Variants in LRP2 observed in about 807,000 individuals in gnomAD.
The protein encoded by LRP2 is low-density lipoprotein receptor-related protein 2.
In LRP2, 172 loss-of-function variants were observed where a neutral mutation model predicts 531.0. The observed-to-expected ratio is 0.32, with a 90% CI of 0.29 to 0.37. The LOEUF (loss-of-function observed/expected upper bound fraction) is 0.37, where lower values mean the gene tolerates loss of function less well. LRP2 is among the 10% of genes least tolerant of loss of function. LRP2 has a pLI of 1.00. For missense variants in LRP2, 5,167 were observed against 5,868.3 expected (o/e 0.88, Z 3.90); for synonymous variants, 1,992 against 2,027.6 (o/e 0.98, Z 0.47).
At chr2:169,307,475 T>C (rs1684456502) in intron 3 of LRP2, 78 bp from the exon 4 acceptor site, 1 of 896,344 alleles carries the variant, frequency 1.1e-6, no homozygotes. Context: ...AACAAGGATA[T>C]TGGAAAGCAT....
chr2:169,343,553 T>C (rs962250635), intron 1 of LRP2, among the ~76,000 whole-genome samples: 1 of 152,182 alleles, frequency 6.6e-6, no homozygotes, highest in African/African-American at 2.4e-5. Context: ...CACAATATCC[T>C]TTAAATATTC....
At chr2:169,169,602 T>G in intron 60 of LRP2, 100 bp downstream of exon 60, 1 of 879,304 alleles carries the variant, frequency 1.1e-6, no homozygotes, top group East Asian at 2.4e-5. Flanking sequence ...CAGACAATAC[T>G]TATGGCCTTT....
chr2:169,176,653 G>T, intron 53 of LRP2, 65 bp from the exon 54 acceptor site: 2 of 1,393,096 alleles, frequency 1.4e-6, no homozygotes, highest in Non-Finnish European at 2.0e-6. Flanking sequence ...CAGATTAGCT[G>T]ATTACACATC....
At chr2:169,310,815 T>C (rs1684574581) in intron 3 of LRP2, among the ~76,000 whole-genome samples, 1 of 152,216 alleles carries the variant, frequency 6.6e-6, no homozygotes, top group Non-Finnish European at 1.5e-5. Flanking sequence ...AATTCGGCTG[T>C]GAATCAGTCT....
At chr2:169,149,030 G>A (rs1025926040) in intron 68 of LRP2, among the ~76,000 whole-genome samples, 3 of 152,136 alleles carry the variant, frequency 2.0e-5, no homozygotes, top group Admixed American at 2.0e-4. Flanking sequence ...CTATCACAGT[G>A]TTTTTCAGCA....
Position 169,191,942 on chromosome 2 carries a change from G to A in LRP2, c.8922C>T (p.Gly2974=), listed in dbSNP as rs549070265. The A allele has an allele frequency of 2.6e-5, 42 of 1,614,020 alleles. No homozygotes were observed. The highest frequency in any genetic ancestry group is 4.5e-5 in the East Asian group (2 of 44,888). Residue 2974 remains glycine (G), a synonymous_variant, in exon 48 of 79, where the codon GGC becomes GGT. Coordinates refer to ENST00000649046, the MANE Select transcript of LRP2 (RefSeq NM_004525.3). Reference sequence around the variant, plus strand: ...CGTAGCCGTCAGTACAATCCACATCGCCATCACAGACCCAAGACTGGGGAA... The same window carrying A: ...CGTAGCCGTCAGTACAATCCACATCACCATCACAGACCCAAGACTGGGGAA... ...RCIPQSWVCD[G]DVDCTDGYDE...
chr2:169,151,219 G>A (rs577229188), intron 67 of LRP2, among the ~76,000 whole-genome samples, 193 bp from the exon 68 acceptor site: 5 of 152,270 alleles, frequency 3.3e-5, no homozygotes, highest in African/African-American at 9.6e-5. Context: ...ACTTGGAAGA[G>A]TAAGGAATTG....
chr2:169,272,973 C>T lies in LRP2; in HGVS notation c.2070G>A (p.Lys690=). The T allele has an allele frequency of 6.2e-7, 1 of 1,613,786 alleles. No individual in the cohort carries two copies. Among genetic ancestry groups the T allele is most frequent in the Non-Finnish European group, 8.5e-7 (1 of 1,179,792 alleles). ...TATCCAGTTGGAAGCCGAATGTGCA[C>T]TTGCAACGGAAACCCAAACCATCAT... ...TDNDGLGFRC[K]CTFGFQLDTD... is the part of the protein sequence containing the mutation. The change falls in exon 15 of 79, where the codon AAG becomes AAA. Residue 690 remains lysine, a synonymous_variant. Transcript: ENST00000649046.
chr2:169,294,092 C>A, intron 6 of LRP2, 56 bp downstream of exon 6: 1 of 1,287,570 alleles, frequency 7.8e-7, no homozygotes, highest in South Asian at 1.2e-5. Context: ...AAAACAAAAC[C>A]GAAACAAAAC....
At chr2:169,129,631 T>C (rs1173686206) in intron 77 of LRP2, among the ~76,000 whole-genome samples, 1 of 152,194 alleles carries the variant, frequency 6.6e-6, no homozygotes, top group East Asian at 1.9e-4. Context: ...TTCTAAGAGT[T>C]TTACAAGTTT....
intron 3 of LRP2, among the ~76,000 whole-genome samples, chr2:169,310,461 T>C (rs1052735693): frequency 2.9e-4 from 44 of 152,252 alleles, no homozygotes; most frequent in Admixed American, 1.9e-3. Context: ...GAGATAATCA[T>C]GTGGTTTTTG....
chr2:169,271,055 C>A lies in LRP2; in HGVS notation c.2169G>T (p.Pro723=), dbSNP rs748610116. ...CATCTTCCTGGGTAGACAAGGTGAA[C>A]GGGATCCCACGAATAGCAACTTGGG... ...FSSQVAIRGI[P]FTLSTQEDVM... The change falls in exon 16 of 79, where the codon CCG becomes CCT. Residue 723 remains proline (P), a synonymous_variant. Coordinates refer to ENST00000649046, the MANE Select transcript of LRP2 (RefSeq NM_004525.3). 5.6e-6 allele frequency: 9 copies of A among 1,612,918 alleles called. No homozygotes were observed.
intron 66 of LRP2, 106 bp from the exon 67 acceptor site, chr2:169,153,070 T>C: frequency 1.0e-6 from 1 of 953,716 alleles, no homozygotes; most frequent in Non-Finnish European, 1.7e-6. Flanking sequence ...CATCTCTACC[T>C]CCCTCCTCAC....
intron 14 of LRP2, 45 bp downstream of exon 14, chr2:169,274,991 A>G (rs1683514212): frequency 6.3e-7 from 1 of 1,592,002 alleles, no homozygotes; most frequent in East Asian, 2.2e-5. Context: ...AAACCTTTCC[A>G]CCAAGTCCGG....
In LRP2 at chr2:169,327,297, C is replaced by T. The variant is rs1355648844; in HGVS notation, c.80-6413G>A. Among the ~76,000 whole-genome samples the T allele has an allele frequency of 1.7e-5, 2 of 117,490 alleles. 1 individual carries two copies. The highest frequency in any genetic ancestry group is 6.0e-4 in the South Asian group (2 of 3,322). The allele number at this position is 117,490 out of a possible 152,430, so 77.1% of individuals were successfully genotyped here. A position where few individuals can be genotyped will look rare whatever the true frequency, so the allele number is the denominator to read the frequency against. On this transcript the variant is annotated intron_variant, in intron 1 of 78. Coordinates refer to ENST00000649046, the MANE Select transcript of LRP2 (RefSeq NM_004525.3). ...CAGCCCCCCGCCCGGCCAGCCGCCC[C>T]GTCTGGGAGGGAGGTGGGGTCAGCC...
chr2:169,271,040 G>T lies in LRP2; in HGVS notation c.2184C>A (p.Thr728=). The change falls in exon 16 of 79, where the codon ACC becomes ACA. Residue 728 remains threonine (T), a synonymous_variant. Transcript: ENST00000649046. ...AAACTGGAACCATGACATCTTCCTG[G>T]GTAGACAAGGTGAACGGGATCCCAC... ...AIRGIPFTLS[T]QEDVMVPVSG... 2 of 1,613,088 alleles carry T rather than the reference G, an allele frequency of 1.2e-6. No homozygotes were observed. The highest frequency in any genetic ancestry group is 1.7e-6 in the Non-Finnish European group (2 of 1,179,448).
intron 19 of LRP2, among the ~76,000 whole-genome samples, chr2:169,248,548 AAAGGT>A (rs1413272375): frequency 1.3e-5 from 2 of 152,264 alleles, no homozygotes; most frequent in Non-Finnish European, 2.9e-5. Flanking sequence ...CCTTTAGTAA[AAAGGT>A]ACACAATTTC....
intron 1 of LRP2, among the ~76,000 whole-genome samples, chr2:169,325,886 C>A (rs1389754389): frequency 6.6e-6 from 1 of 150,420 alleles, no homozygotes; most frequent in African/African-American, 2.4e-5. Flanking sequence ...TTTCTTAGAG[C>A]AAAACAATAC....
At chr2:169,226,261 C>G (rs985607830) in intron 32 of LRP2, among the ~76,000 whole-genome samples, 161 bp downstream of exon 32, 1 of 152,186 alleles carries the variant, frequency 6.6e-6, no homozygotes, top group African/African-American at 2.4e-5. Flanking sequence ...AGGCCAAGCT[C>G]ACATATATAC....
Sources: allele counts gnomAD v4.1 joint callset (sites outside exome capture counted in the v4.1 genomes callset), GRCh38; gene constraint gnomAD v4.1.1; transcripts MANE v1.5; gene names NCBI Gene and HGNC (gene_info 2026-07-23, HGNC 2026-07-21).